The following GMDS variants were observed in gnomAD, a reference collection of about 807,000 sequenced individuals.
GMDS encodes the protein GDP-mannose 4,6-dehydratase.
Under a neutral mutation model 49.9 loss-of-function variants are expected in GMDS, and 20 were observed. That is an observed-to-expected ratio of 0.40 (90% CI 0.28 to 0.58). The LOEUF is 0.58. Ranked by LOEUF, GMDS falls within the 20% of genes least tolerant of loss-of-function variation. GMDS has a pLI of 0.42. For synonymous variants in GMDS, 177 were observed against 178.6 expected (o/e 0.99, Z 0.07); for missense variants, 362 against 481.4 (o/e 0.75, Z 2.32).
intron 7 of GMDS, among the ~76,000 whole-genome samples, chr6:1,862,771 A>T (rs1758253866): frequency 6.6e-6 from 1 of 152,220 alleles, no homozygotes; most frequent in Non-Finnish European, 1.5e-5. Flanking sequence ...GGTGATCTAC[A>T]TTCTTCTTTA....
At chr6:1,741,393 T>C (rs531703431) in intron 8 of GMDS, among the ~76,000 whole-genome samples, 3 of 152,324 alleles carry the variant, frequency 2.0e-5, no homozygotes, top group Admixed American at 2.0e-4. Context: ...TGCTTCTCTA[T>C]CATCTTTCTT....
At chr6:1,652,701 TATA>T (rs1763743880) in intron 9 of GMDS, among the ~76,000 whole-genome samples, 2 of 562 alleles carry the variant, frequency 3.6e-3, no homozygotes, top group African/African-American at 6.1e-3. Context: ...TAATATATTA[TATA>T]TATATATATA....
chr6:2,237,884 G>C (rs974471153), intron 1 of GMDS, among the ~76,000 whole-genome samples: 1 of 152,092 alleles, frequency 6.6e-6, no homozygotes, highest in Non-Finnish European at 1.5e-5. Context: ...AGAAAGAAAG[G>C]AGAAAACTGA....
chr6:1,690,575 C>G (rs1317358625), intron 9 of GMDS, among the ~76,000 whole-genome samples: 1 of 152,026 alleles, frequency 6.6e-6, no homozygotes, highest in Admixed American at 6.6e-5. Context: ...AACAGACAAC[C>G]TACGGAATGG....
chr6:1,813,062 A>T (rs867175248), intron 7 of GMDS, among the ~76,000 whole-genome samples: 5 of 151,764 alleles, frequency 3.3e-5, no homozygotes, highest in Admixed American at 6.6e-5. Context: ...TACCAAAAAA[A>T]TTTTTTTTAA....
chr6:1,790,553 G>A (rs1026377200), intron 7 of GMDS, among the ~76,000 whole-genome samples: 1 of 152,182 alleles, frequency 6.6e-6, no homozygotes, highest in Non-Finnish European at 1.5e-5. Context: ...AAAATTTCAT[G>A]AGGCAAATTT....
At chr6:1,846,233 T>G (rs903863451) in intron 7 of GMDS, among the ~76,000 whole-genome samples, 1 of 151,884 alleles carries the variant, frequency 6.6e-6, no homozygotes, top group Non-Finnish European at 1.5e-5. Flanking sequence ...GTGGGGGCTA[T>G]AGGTGTGTGC....
At chr6:2,022,122 A>G (rs142439993) in intron 4 of GMDS, among the ~76,000 whole-genome samples, 198 of 152,276 alleles carry the variant, frequency 1.3e-3, no homozygotes, top group African/African-American at 4.3e-3. Context: ...GACACAGGCA[A>G]CTCTTATAAG....
intron 4 of GMDS, among the ~76,000 whole-genome samples, chr6:1,973,278 CAA>C (rs986942539): frequency 6.6e-6 from 1 of 152,178 alleles, no homozygotes; most frequent in Non-Finnish European, 1.5e-5. Flanking sequence ...TACACACAAT[CAA>C]AAATTAAACA....
intron 6 of GMDS, among the ~76,000 whole-genome samples, chr6:1,945,441 C>T (rs930468474): frequency 6.6e-6 from 1 of 152,172 alleles, no homozygotes; most frequent in East Asian, 1.9e-4. Flanking sequence ...TTGGTCAGTA[C>T]TAGATGAGAT....
chr6:1,978,109 C>A (rs537979144), intron 4 of GMDS, among the ~76,000 whole-genome samples: 1 of 152,304 alleles, frequency 6.6e-6, no homozygotes, highest in Non-Finnish European at 1.5e-5. Context: ...GGGCAGGCTG[C>A]CACCTGGATT....
At chr6:1,794,161 T>G (rs1220702446) in intron 7 of GMDS, among the ~76,000 whole-genome samples, 1 of 152,200 alleles carries the variant, frequency 6.6e-6, no homozygotes, top group Non-Finnish European at 1.5e-5. Context: ...ACTTTTCCAA[T>G]GCCCTATCAA....
intron 4 of GMDS, among the ~76,000 whole-genome samples, chr6:1,976,904 T>C (rs565767483): frequency 6.6e-6 from 1 of 152,336 alleles, no homozygotes; most frequent in Non-Finnish European, 1.5e-5. Context: ...TATCTTATTT[T>C]CTTTTGAATA....
intron 6 of GMDS, among the ~76,000 whole-genome samples, chr6:1,952,688 T>C (rs1314541478): frequency 6.6e-6 from 1 of 151,600 alleles, no homozygotes; most frequent in Admixed American, 6.6e-5. Context: ...AGGAGCAAAG[T>C]TACATATGGC....
At chr6:1,999,222 T>C (rs1766497111) in intron 4 of GMDS, among the ~76,000 whole-genome samples, 1 of 149,950 alleles carries the variant, frequency 6.7e-6, no homozygotes, top group African/African-American at 2.5e-5. Context: ...CTTGGGAGGC[T>C]GAGGCAGGAG....
At chr6:1,724,443 T>C (rs995325978) in intron 9 of GMDS, among the ~76,000 whole-genome samples, 1 of 152,218 alleles carries the variant, frequency 6.6e-6, no homozygotes, top group African/African-American at 2.4e-5. Flanking sequence ...TTTTGTTCTG[T>C]GTCCTTATCA....
chr6:2,076,846 C>T (rs1173493892), intron 4 of GMDS, among the ~76,000 whole-genome samples: 1 of 152,204 alleles, frequency 6.6e-6, no homozygotes, highest in African/African-American at 2.4e-5. Context: ...AGGACATACG[C>T]ATGGGCAAGG....
At chr6:2,099,355 T>C (rs1486728327) in intron 4 of GMDS, among the ~76,000 whole-genome samples, 1 of 152,132 alleles carries the variant, frequency 6.6e-6, no homozygotes, top group Non-Finnish European at 1.5e-5. Flanking sequence ...GTCAATATAG[T>C]TACGGCATGA....
intron 7 of GMDS, among the ~76,000 whole-genome samples, chr6:1,912,821 C>T (rs986270783): frequency 6.6e-6 from 1 of 152,214 alleles, no homozygotes; most frequent in Admixed American, 6.5e-5. Flanking sequence ...AATATTACAA[C>T]ATAAAAATAC....
Sources: gnomAD v4.1 joint callset for allele counts (sites outside exome capture counted in the v4.1 genomes callset) on GRCh38, gnomAD v4.1.1 for gene constraint, MANE v1.5 for transcripts, NCBI Gene and HGNC (gene_info 2026-07-23, HGNC 2026-07-21) for gene names.